Variants in TONSL observed in about 807,000 individuals in gnomAD.
TONSL encodes tonsoku like, DNA repair protein.
A neutral mutation model predicts 147.1 loss-of-function variants in TONSL; 112 were observed. The observed-to-expected ratio is 0.76, with a 90% CI of 0.65 to 0.89. The LOEUF (loss-of-function observed/expected upper bound fraction) is 0.89, where lower values mean the gene tolerates loss of function less well. Ranked by LOEUF, TONSL falls within the 40% of genes least tolerant of loss-of-function variation. The pLI is 0.00. For missense variants in TONSL, 1,883 were observed against 1,864.6 expected (o/e 1.01, Z -0.18); for synonymous variants, 868 against 801.5 (o/e 1.08, Z -1.40).
intron 11 of TONSL, chr8:144,439,729 G>T (rs1823626256): frequency 2.1e-6 from 1 of 469,192 alleles, no homozygotes. Flanking sequence ...GCTCTTCAAA[G>T]TGCACCGTCT....
Position 144,436,279 on chromosome 8 carries a change from G to A in TONSL, c.2154C>T (p.Val718=), listed in dbSNP as rs1419499347. The change falls in exon 17 of 26, where the codon GTC becomes GTT. Residue 718 remains valine, a synonymous_variant. Transcript: ENST00000409379. ...LPEASQAHVR[V]SPGQAAPAMA... is the part of the protein sequence containing the mutation. ...TGGCTGGTGCCGCCTGCCCTGGGGA[G>A]ACCCTGACATGGGCCTGAGAGGCCT... 2 of 1,514,188 alleles carry A rather than the reference G, an allele frequency of 1.3e-6. No homozygotes were observed. Among genetic ancestry groups the A allele is most frequent in the Non-Finnish European group, 1.8e-6 (2 of 1,136,860 alleles). The allele number at this position is 1,514,188 out of a possible 1,614,324, so 93.8% of individuals were successfully genotyped here. A position where few individuals can be genotyped will look rare whatever the true frequency, so the allele number is the denominator to read the frequency against.
chr8:144,443,138 C>A lies in TONSL; in HGVS notation c.448G>T (p.Gly150Trp). ...SLAIVDEELE[G>W]TLAQGELNEM... ...AGAAAACGCGGAGGGGTCTGCCCAC[C>A]CTCCAGCTCCTCATCCACAATAGCC... is the stretch of plus-strand genomic sequence containing the variant. The change falls in exon 4 of 26, where the codon GGG (glycine) becomes TGG (tryptophan). Residue 150 changes from glycine to tryptophan, a missense_variant and splice_region_variant. Transcript: ENST00000409379. 6.5e-7 allele frequency: 1 copy of A among 1,550,026 alleles called. No homozygotes were observed. Among genetic ancestry groups the A allele is most frequent in the South Asian group, 1.2e-5 (1 of 84,052 alleles).
In TONSL at chr8:144,441,116, C is replaced by T. The variant is rs746880761; in HGVS notation, c.866-5G>A. ...GCAGCCGGACCACTGCCAGCACTGC[C>T]GGGAAGAGGTTCATGCAGGGGGGCA... On this transcript the variant is annotated splice_polypyrimidine_tract_variant and splice_region_variant and intron_variant, in intron 7 of 25. Transcript: ENST00000409379. 1.1e-5 allele frequency: 18 copies of T among 1,612,376 alleles called. No homozygotes were observed. Among genetic ancestry groups the T allele is most frequent in the Admixed American group, 3.3e-5 (2 of 60,000 alleles).
At chr8:144,435,422 C>A in intron 18 of TONSL, 52 bp downstream of exon 18, 1 of 1,450,082 alleles carries the variant, frequency 6.9e-7, no homozygotes, top group South Asian at 1.3e-5. Context: ...CACGAGCACC[C>A]TGGCATGGAG....
chr8:144,432,611 G>C (rs1018879097), intron 22 of TONSL, 151 bp from the exon 23 acceptor site: 3 of 738,006 alleles, frequency 4.1e-6, no homozygotes, highest in Non-Finnish European at 6.0e-6. Flanking sequence ...AAAGGCTCTC[G>C]CCCAGATTCT....
chr8:144,434,305 G>A, intron 20 of TONSL, 26 bp from the exon 21 acceptor site: 2 of 1,484,984 alleles, frequency 1.3e-6, no homozygotes, highest in Non-Finnish European at 8.9e-7. Context: ...GATGTCACCA[G>A]GGTAAGGCCG....
chr8:144,437,228 C>T, intron 13 of TONSL, 129 bp from the exon 14 acceptor site: 1 of 857,024 alleles, frequency 1.2e-6, no homozygotes, highest in Non-Finnish European at 1.9e-6. Context: ...CGTGGCCCTG[C>T]CCTCTCCTCC....
At chr8:144,442,947 G>T in intron 4 of TONSL, 141 bp from the exon 5 acceptor site, 1 of 1,293,476 alleles carries the variant, frequency 7.7e-7, no homozygotes, top group Non-Finnish European at 1.0e-6. Context: ...GCGGCAGATG[G>T]AGCACAGAGT....
Position 144,436,596 on chromosome 8 carries a change from G to GC in TONSL, c.1975dup (p.Ala659GlyfsTer30). The GC allele has an allele frequency of 1.9e-6, 3 of 1,611,494 alleles. No individual in the cohort carries two copies. Among genetic ancestry groups the GC allele is most frequent in the Non-Finnish European group, 2.5e-6 (3 of 1,179,960 alleles). ...AGCCGCCTGGAGCAGCATCTCCATG[G>GC]CCCTGGCCTTCTGCCGCGTCTCCAG... is the stretch of plus-strand genomic sequence containing the variant. On this transcript the variant is annotated frameshift_variant, in exon 16 of 26. Coordinates refer to ENST00000409379, the MANE Select transcript of TONSL (RefSeq NM_013432.5). LOFTEE classifies it high-confidence loss of function.
chr8:144,434,289 G>A lies in TONSL; in HGVS notation c.3086-10C>T. ...ACCTGTTGGTGCTCCCCTGCGGGAG[G>A]GATGTGATGTCACCAGGGTAAGGCC... On this transcript the variant is annotated splice_polypyrimidine_tract_variant and intron_variant, in intron 20 of 25. Transcript: ENST00000409379. The A allele has an allele frequency of 6.7e-7, 1 of 1,501,536 alleles. No homozygotes were observed. The highest frequency in any genetic ancestry group is 1.4e-5 in the African/African-American group (1 of 71,434). The allele number at this position is 1,501,536 out of a possible 1,614,324, so 93.0% of individuals were successfully genotyped here.
rs757022027 is a variant in TONSL, at chr8:144,440,186, T to C, written c.1315A>G (p.Thr439Ala). Reference sequence around the variant, plus strand: ...TGGGGCTGCAGCCTCAGCTGCACGGTATGGAGATGCTGCAAGACCTGCCTC... The same window carrying C: ...TGGGGCTGCAGCCTCAGCTGCACGGCATGGAGATGCTGCAAGACCTGCCTC... Reference protein sequence around the residue: ...LQRQVLQHLHTVQLRLQPQEA... With the variant: ...LQRQVLQHLHAVQLRLQPQEA... The change falls in exon 11 of 26, where the codon ACC becomes GCC. Residue 439 changes from threonine (T) to alanine (A), a missense_variant. Thr to Ala is a moderately conservative substitution (Grantham distance 58). Coordinates refer to ENST00000409379, the MANE Select transcript of TONSL (RefSeq NM_013432.5). 6.2e-7 allele frequency: 1 copy of C among 1,602,888 alleles called. No homozygotes were observed. Among genetic ancestry groups the C allele is most frequent in the Non-Finnish European group, 8.5e-7 (1 of 1,175,536 alleles).
intron 11 of TONSL, among the ~76,000 whole-genome samples, chr8:144,438,949 C>T (rs1044472289): frequency 1.3e-5 from 2 of 152,144 alleles, no homozygotes; most frequent in African/African-American, 2.4e-5. Flanking sequence ...CTCCTGCCCA[C>T]CATCCCTCTG....
intron 23 of TONSL, among the ~76,000 whole-genome samples, chr8:144,431,518 TTTTG>T (rs1371487889): frequency 1.4e-4 from 21 of 151,910 alleles, no homozygotes; most frequent in Non-Finnish European, 2.8e-4. Context: ...TTTTTTCTTT[TTTTG>T]TTTTTTTTTT....
At chr8:144,431,196 C>T (rs1554878593) in intron 23 of TONSL, 45 bp from the exon 24 acceptor site, 1 of 1,589,710 alleles carries the variant, frequency 6.3e-7, no homozygotes, top group Non-Finnish European at 8.6e-7. Context: ...GAGTGGCGCA[C>T]CTGCCCTGCC....
rs776707834 is a variant in TONSL at position 144,440,817 on chromosome 8, G to A, written c.1065C>T (p.His355=). The change falls in exon 9 of 26, where the codon CAC becomes CAT. Residue 355 remains histidine (H), a synonymous_variant. Coordinates refer to ENST00000409379, the MANE Select transcript of TONSL (RefSeq NM_013432.5). ...DRPGAERAII[H]VSLATTLGDM... Reference sequence around the variant, plus strand: ...CTCCCAGTGTGGTGGCCAGGGACACGTGGATGATGGCCCGCTCAGCACCCG... The same window carrying A: ...CTCCCAGTGTGGTGGCCAGGGACACATGGATGATGGCCCGCTCAGCACCCG... 5.6e-6 allele frequency: 9 copies of A among 1,612,812 alleles called. No individual in the cohort carries two copies. The highest frequency in any genetic ancestry group is 2.2e-5 in the East Asian group (1 of 44,892).
chr8:144,430,567 T>C (rs782195306), intron 24 of TONSL, 30 bp from the exon 25 acceptor site: 8 of 1,585,866 alleles, frequency 5.0e-6, no homozygotes, highest in Middle Eastern at 3.4e-4. Context: ...AGTGCAAAGG[T>C]TGGCTTCCAG....
Position 144,440,133 on chromosome 8 carries a change from T to C in TONSL, c.1368A>G (p.Leu456=), listed in dbSNP as rs2306383. 1,581,962 of 1,612,168 alleles carry C rather than the reference T, an allele frequency of 0.98. 778,122 individuals are homozygous for C. Among genetic ancestry groups the C allele is most frequent in the South Asian group, 1 (90,816 of 91,052 alleles). ...CATCTTCAGCTACACTGAGCTCCCG[T>C]AGTCTGGTTTCGGTCTCAGGGGCCT... ...PQEAPETETR[L]RELSVAEDED... Residue 456 remains leucine (L), a synonymous_variant, in exon 11 of 26, where the codon CTA becomes CTG. Coordinates refer to ENST00000409379, the MANE Select transcript of TONSL (RefSeq NM_013432.5).
intron 13 of TONSL, 93 bp from the exon 14 acceptor site, chr8:144,437,192 C>T: frequency 1.5e-6 from 2 of 1,324,278 alleles, no homozygotes; most frequent in Non-Finnish European, 2.1e-6. Context: ...AGCCCAGGGC[C>T]TCAGTCTTAG....
At chr8:144,442,437 G>A (rs202235804) in intron 5 of TONSL, 25 bp from the exon 6 acceptor site, 2 of 1,519,680 alleles carry the variant, frequency 1.3e-6, no homozygotes, top group East Asian at 4.6e-5. Flanking sequence ...CGACCACTGA[G>A]CACCCAGGAG....
Sources: gnomAD v4.1 joint callset for allele counts (sites outside exome capture counted in the v4.1 genomes callset) on GRCh38, gnomAD v4.1.1 for gene constraint, MANE v1.5 for transcripts, NCBI Gene and HGNC (gene_info 2026-07-23, HGNC 2026-07-21) for gene names.